Variants in ELP4 observed in about 807,000 individuals in gnomAD.
The protein encoded by ELP4 is elongator acetyltransferase complex subunit 4.
ELP4 carries 51 observed loss-of-function variants against 48.9 expected under a neutral mutation model. The ratio of observed to expected loss-of-function variants is 1.04; its 90% CI spans 0.83 to 1.32. ELP4 has a LOEUF of 1.32. Ranked by LOEUF, ELP4 falls within the 40% of genes most tolerant of loss-of-function variation. ELP4 has a pLI of 0.00. For synonymous variants in ELP4, 210 were observed against 189.2 expected, an observed-to-expected ratio of 1.11 and a Z score of -0.90; for missense variants, 519 against 514.6, an observed-to-expected ratio of 1.01 and a Z score of -0.08.
chr11:31,510,508 T>G, intron 1 of ELP4: 1 of 407,438 alleles, frequency 2.5e-6, no homozygotes, highest in Non-Finnish European at 4.3e-6. Context: ...CTTAAAACAT[T>G]TTGGCTTTAA....
chr11:31,756,737 C>CA (rs1174517447), intron 9 of ELP4, among the ~76,000 whole-genome samples: 22 of 152,146 alleles, frequency 1.4e-4, no homozygotes, highest in African/African-American at 4.6e-4. Context: ...AAGTATTAAG[C>CA]AAAAAAAGTT....
At chr11:31,594,253 AAG>A (rs1957636459) in intron 3 of ELP4, among the ~76,000 whole-genome samples, 3 of 152,170 alleles carry the variant, frequency 2.0e-5, no homozygotes, top group African/African-American at 7.2e-5. Flanking sequence ...GAAGAGACAT[AAG>A]CTTGCAGGTG....
At chr11:31,780,090 A>T (rs894598962) in intron 9 of ELP4, 1 of 152,146 alleles carries the variant, frequency 6.6e-6, no homozygotes, top group African/African-American at 2.4e-5. Flanking sequence ...ACTCAGTGAA[A>T]CCTCAATGTC....
At chr11:31,678,346 G>T (rs570658624) in intron 9 of ELP4, among the ~76,000 whole-genome samples, 1 of 152,268 alleles carries the variant, frequency 6.6e-6, no homozygotes, top group Non-Finnish European at 1.5e-5. Context: ...CTACTCAGGA[G>T]TCTGAGGTGA....
At chr11:31,522,078 T>G (rs570029771) in intron 2 of ELP4, among the ~76,000 whole-genome samples, 27 of 152,300 alleles carry the variant, frequency 1.8e-4, no homozygotes, top group African/African-American at 5.3e-4. Flanking sequence ...ATGAGATACT[T>G]ATGTCACCCA....
intron 3 of ELP4, among the ~76,000 whole-genome samples, chr11:31,582,376 C>G (rs1957406022): frequency 1.3e-5 from 2 of 152,152 alleles, no homozygotes; most frequent in South Asian, 4.1e-4. Context: ...AGGGATTTGA[C>G]CACGTTGATC....
chr11:31,694,749 G>A (rs1946362693), intron 9 of ELP4, among the ~76,000 whole-genome samples: 1 of 152,112 alleles, frequency 6.6e-6, no homozygotes. Context: ...ATTATTTTGG[G>A]CAGTACGGCC....
intron 5 of ELP4, among the ~76,000 whole-genome samples, chr11:31,613,966 C>T (rs1958031157): frequency 6.6e-6 from 1 of 152,038 alleles, no homozygotes; most frequent in East Asian, 1.9e-4. Context: ...TTGCCTTGGC[C>T]TCCCAAAGTT....
intron 9 of ELP4, among the ~76,000 whole-genome samples, chr11:31,706,072 T>C (rs766615169): frequency 2.6e-5 from 4 of 152,098 alleles, no homozygotes; most frequent in Non-Finnish European, 4.4e-5. Flanking sequence ...GAATATAATA[T>C]TTTTAATAAA....
intron 3 of ELP4, among the ~76,000 whole-genome samples, chr11:31,552,493 C>T (rs948867803): frequency 4.6e-5 from 7 of 152,108 alleles, no homozygotes; most frequent in African/African-American, 1.7e-4. Context: ...AACTGCTCTC[C>T]CCAAGCCTGT....
chr11:31,642,260 T>C (rs1232204), intron 7 of ELP4, among the ~76,000 whole-genome samples: 2,041 of 152,130 alleles, frequency 0.013, 32 homozygotes, highest in Middle Eastern at 0.054. Context: ...CTGCAAAGTA[T>C]GTTTATTTGA....
intron 3 of ELP4, among the ~76,000 whole-genome samples, chr11:31,567,032 A>C (rs1032703208): frequency 4.7e-5 from 6 of 127,788 alleles, no homozygotes; most frequent in Non-Finnish European, 6.2e-5. Context: ...GTACTTCTTT[A>C]TTTATTTTTT....
intron 9 of ELP4, among the ~76,000 whole-genome samples, chr11:31,664,750 A>G (rs1945636108): frequency 6.6e-6 from 1 of 152,148 alleles, no homozygotes; most frequent in South Asian, 2.1e-4. Context: ...AAATTTTTAA[A>G]AAACATTTTG....
chr11:31,634,583 T>A (rs1274900301), intron 7 of ELP4, among the ~76,000 whole-genome samples: 1 of 151,972 alleles, frequency 6.6e-6, no homozygotes, highest in Non-Finnish European at 1.5e-5. Flanking sequence ...TACCCTCTGT[T>A]TAAGGGAACA....
chr11:31,666,543 T>G (rs1274923750), intron 9 of ELP4, among the ~76,000 whole-genome samples: 1 of 151,800 alleles, frequency 6.6e-6, no homozygotes, highest in African/African-American at 2.4e-5. Context: ...AATTCAAAAA[T>G]TAGCCGGGTG....
intron 3 of ELP4, among the ~76,000 whole-genome samples, chr11:31,564,539 C>A (rs1344534896): frequency 6.6e-6 from 1 of 152,050 alleles, no homozygotes; most frequent in Non-Finnish European, 1.5e-5. Flanking sequence ...TCCTGCTACC[C>A]CAGGACAAGC....
chr11:31,514,401 G>A (rs1255108694), intron 1 of ELP4, among the ~76,000 whole-genome samples: 1 of 152,190 alleles, frequency 6.6e-6, no homozygotes, highest in Non-Finnish European at 1.5e-5. Context: ...CAAGTCTGCA[G>A]TGAGCAGTGA....
intron 9 of ELP4, chr11:31,682,096 A>G: frequency 8.0e-7 from 1 of 1,255,660 alleles, no homozygotes; most frequent in Non-Finnish European, 1.0e-6. Context: ...ACTGATGTTG[A>G]TTTAGTGCTT....
chr11:31,722,248 A>G (rs1946978472), intron 9 of ELP4, among the ~76,000 whole-genome samples: 1 of 152,184 alleles, frequency 6.6e-6, no homozygotes, highest in Non-Finnish European at 1.5e-5. Flanking sequence ...GTCTGTTTCC[A>G]ATGTTTATTC....
Sources: allele counts gnomAD v4.1 joint callset (sites outside exome capture counted in the v4.1 genomes callset), GRCh38; gene constraint gnomAD v4.1.1; transcripts MANE v1.5; gene names NCBI Gene and HGNC (gene_info 2026-07-23, HGNC 2026-07-21).